RAD51B: variants seen among roughly 807,000 people sequenced by gnomAD.
RAD51B encodes the protein RAD51 paralog B.
In RAD51B, 38 loss-of-function variants were observed where a neutral mutation model predicts 42.2. The observed-to-expected ratio is 0.90, with a 90% CI of 0.70 to 1.18. The LOEUF is 1.18. RAD51B is among the 50% of genes most tolerant of loss of function. The pLI is 0.00. For synonymous variants in RAD51B, 154 were observed against 145.2 expected, an observed-to-expected ratio of 1.06 and a Z score of -0.43; for missense variants, 373 against 400.7, an observed-to-expected ratio of 0.93 and a Z score of 0.59.
intron 8 of RAD51B, among the ~76,000 whole-genome samples, chr14:68,343,631 A>G (rs2082614191): frequency 1.3e-5 from 2 of 152,284 alleles, no homozygotes; most frequent in Admixed American, 6.5e-5. Flanking sequence ...ACTTGCTTAG[A>G]AAGATTAGCG....
intron 7 of RAD51B, among the ~76,000 whole-genome samples, chr14:68,058,800 G>A (rs751635143): frequency 1.7e-4 from 26 of 152,110 alleles, no homozygotes; most frequent in Non-Finnish European, 2.9e-4. Context: ...AAAGAACAGT[G>A]CACATTTAAA....
At chr14:67,931,196 C>G (rs1185742528) in intron 7 of RAD51B, among the ~76,000 whole-genome samples, 2 of 151,994 alleles carry the variant, frequency 1.3e-5, no homozygotes, top group African/African-American at 4.8e-5. Context: ...GCTGGGATTA[C>G]AGGCGTGAGC....
At chr14:68,222,598 A>C (rs1054619932) in intron 7 of RAD51B, among the ~76,000 whole-genome samples, 2 of 152,174 alleles carry the variant, frequency 1.3e-5, no homozygotes, top group Non-Finnish European at 2.9e-5. Context: ...TGATGGGTGC[A>C]CCAAAATTTC....
intron 7 of RAD51B, among the ~76,000 whole-genome samples, chr14:67,928,691 C>A (rs1217199393): frequency 6.6e-6 from 1 of 151,986 alleles, no homozygotes; most frequent in Non-Finnish European, 1.5e-5. Context: ...AGTTTCTAAT[C>A]GCCAGAATTT....
At chr14:67,902,565 T>C (rs1054591919) in intron 7 of RAD51B, among the ~76,000 whole-genome samples, 2 of 152,252 alleles carry the variant, frequency 1.3e-5, no homozygotes, top group African/African-American at 4.8e-5. Flanking sequence ...GACATCTGGC[T>C]TTTATATTAT....
At chr14:68,393,106 A>G (rs2083807074) in intron 8 of RAD51B, among the ~76,000 whole-genome samples, 1 of 152,226 alleles carries the variant, frequency 6.6e-6, no homozygotes, top group African/African-American at 2.4e-5. Context: ...ATGAGGTGAT[A>G]TTTGTAAAGT....
At chr14:68,107,350 G>A (rs1471166347) in intron 7 of RAD51B, among the ~76,000 whole-genome samples, 1 of 151,742 alleles carries the variant, frequency 6.6e-6, no homozygotes, top group East Asian at 1.9e-4. Flanking sequence ...AATTAAAGAA[G>A]CCTAAATAAA....
intron 7 of RAD51B, among the ~76,000 whole-genome samples, chr14:67,900,628 T>TACACAC (rs1214068146): frequency 2.3e-4 from 30 of 127,860 alleles, no homozygotes; most frequent in Non-Finnish European, 4.2e-4. Context: ...GTGTGTGTCA[T>TACACAC]ACACACACAC....
intron 7 of RAD51B, among the ~76,000 whole-genome samples, chr14:68,132,766 TACTC>T (rs1263961830): frequency 2.6e-5 from 4 of 152,220 alleles, no homozygotes. Context: ...TCTGCAGACT[TACTC>T]TCTCATGCAC....
chr14:68,682,777 T>C (rs1893460101), intron 11 of RAD51B, among the ~76,000 whole-genome samples: 1 of 151,274 alleles, frequency 6.6e-6, no homozygotes, highest in Non-Finnish European at 1.5e-5. Context: ...GTCGTGAATC[T>C]TGAGCACTGA....
intron 8 of RAD51B, among the ~76,000 whole-genome samples, chr14:68,375,690 A>G (rs912544412): frequency 6.6e-6 from 1 of 152,058 alleles, no homozygotes; most frequent in Non-Finnish European, 1.5e-5. Flanking sequence ...TCTTTGCTTG[A>G]TACATAGTGG....
intron 10 of RAD51B, among the ~76,000 whole-genome samples, chr14:68,619,523 T>A (rs1022182286): frequency 1.3e-5 from 2 of 150,658 alleles, no homozygotes; most frequent in South Asian, 4.2e-4. Flanking sequence ...GGAAAAGTCA[T>A]GAGTTTTAAA....
At chr14:67,849,743 A>ACT (rs2041741511) in intron 4 of RAD51B, among the ~76,000 whole-genome samples, 4 of 152,144 alleles carry the variant, frequency 2.6e-5, no homozygotes, top group Admixed American at 2.6e-4. Context: ...ATTCCTTTTT[A>ACT]AGATGTTTAT....
At chr14:68,643,637 T>A (rs973094467) in intron 10 of RAD51B, among the ~76,000 whole-genome samples, 1 of 152,236 alleles carries the variant, frequency 6.6e-6, no homozygotes, top group Non-Finnish European at 1.5e-5. Context: ...CTTTGTTTTA[T>A]CCTACTCCTC....
At chr14:68,033,616 C>T (rs377264604) in intron 7 of RAD51B, among the ~76,000 whole-genome samples, 1 of 152,288 alleles carries the variant, frequency 6.6e-6, no homozygotes, top group African/African-American at 2.4e-5. Context: ...ACGAAACTCA[C>T]TGAGCTGCCT....
In RAD51B at chr14:67,910,876, A is replaced by G. The variant is rs1420089939; in HGVS notation, c.756+23672A>G. Among the ~76,000 whole-genome samples, 5 of 151,856 alleles carry G rather than the reference A, an allele frequency of 3.3e-5. No individual in the cohort carries two copies. The South Asian group carries it at 8.3e-4, about 25-fold the overall frequency. On this transcript the variant is annotated intron_variant, in intron 7 of 10. Coordinates refer to ENST00000471583, the MANE Select transcript of RAD51B (RefSeq NM_133510.4). ...GCCCAGACTGTAGTGCAGTGGCACA[A>G]TCTTGGCTCACTGCAACCTCCGCCT...
chr14:68,435,495 T>G (rs2085124530), intron 9 of RAD51B, among the ~76,000 whole-genome samples: 1 of 148,620 alleles, frequency 6.7e-6, no homozygotes, highest in Non-Finnish European at 1.5e-5. Flanking sequence ...GTTTTTGGTT[T>G]TTTTTTTTTT....
chr14:68,456,810 G>T (rs866557977), intron 9 of RAD51B, among the ~76,000 whole-genome samples: 1 of 134,426 alleles, frequency 7.4e-6, no homozygotes, highest in Non-Finnish European at 1.5e-5. Flanking sequence ...ACTACAAGTT[G>T]AGCCTCAATA....
intron 8 of RAD51B, among the ~76,000 whole-genome samples, chr14:68,386,250 C>T (rs1236459187): frequency 2.6e-5 from 4 of 152,148 alleles, no homozygotes. Context: ...CTCTCCCAGT[C>T]ATAATTAGGA....
Sources: gnomAD v4.1 joint callset for allele counts (sites outside exome capture counted in the v4.1 genomes callset) on GRCh38, gnomAD v4.1.1 for gene constraint, MANE v1.5 for transcripts, NCBI Gene and HGNC (gene_info 2026-07-23, HGNC 2026-07-21) for gene names.